The following MYO10 variants were observed in gnomAD, a reference collection of about 807,000 sequenced individuals.
MYO10 encodes the protein myosin X.
A neutral mutation model predicts 257.3 loss-of-function variants in MYO10; 133 were observed. The ratio of observed to expected loss-of-function variants is 0.52; its 90% CI spans 0.45 to 0.60. The LOEUF (loss-of-function observed/expected upper bound fraction) is 0.60. MYO10 is among the 20% of genes least tolerant of loss of function. MYO10 has a pLI of 0.00. For missense variants in MYO10, 2,399 were observed against 2,635.7 expected (o/e 0.91, Z 1.97); for synonymous variants, 1,104 against 1,028.6 (o/e 1.07, Z -1.40).
At chr5:16,880,122 C>G (rs1744715695) in intron 1 of MYO10, among the ~76,000 whole-genome samples, 1 of 152,136 alleles carries the variant, frequency 6.6e-6, no homozygotes, top group South Asian at 2.1e-4. Context: ...AGAGGTTACA[C>G]TGAATTGAGA....
intron 6 of MYO10, among the ~76,000 whole-genome samples, chr5:16,781,345 G>C (rs1349453950): frequency 6.6e-6 from 1 of 152,146 alleles, no homozygotes; most frequent in Admixed American, 6.5e-5. Context: ...CTCCCACAGT[G>C]CTGGGATTAC....
chr5:16,881,859 G>A lies in MYO10; in HGVS notation c.22-4152C>T, dbSNP rs1256775821. On this transcript the variant is annotated intron_variant, in intron 1 of 40. Coordinates refer to ENST00000513610, the MANE Select transcript of MYO10 (RefSeq NM_012334.3). ...AGTGGGAAAGAAAAATTTGCCCACC[G>A]TATGCAAACTATTACATTCAGTCAT... Among the ~76,000 whole-genome samples, 5 of 151,982 alleles carry A rather than the reference G, an allele frequency of 3.3e-5. No homozygotes were observed. In the South Asian group the frequency reaches 6.2e-4, roughly 19 times the overall value.
chr5:16,777,839 CTTTTTTTTTTTTTTTT>C (rs61326508), intron 9 of MYO10, among the ~76,000 whole-genome samples: 2 of 88,482 alleles, frequency 2.3e-5, no homozygotes, highest in African/African-American at 1.1e-4. Context: ...TTGCATCTAA[CTTTTTTTTTTTTTTTT>C]TTTTTTTTTT....
intron 2 of MYO10, among the ~76,000 whole-genome samples, chr5:16,864,637 T>C (rs1255126816): frequency 6.6e-6 from 1 of 152,152 alleles, no homozygotes; most frequent in Non-Finnish European, 1.5e-5. Context: ...CAGATTACAA[T>C]AAATGAGCTT....
chr5:16,800,991 C>G (rs923878369), intron 3 of MYO10, among the ~76,000 whole-genome samples: 8 of 151,986 alleles, frequency 5.3e-5, no homozygotes, highest in Non-Finnish European at 1.0e-4. Context: ...AACCTTTCAC[C>G]TTTTAAGGTA....
At chr5:16,855,493 CATCTT>C (rs1425134128) in intron 2 of MYO10, among the ~76,000 whole-genome samples, 4 of 152,172 alleles carry the variant, frequency 2.6e-5, no homozygotes, top group African/African-American at 9.7e-5. Flanking sequence ...ATTATAAATA[CATCTT>C]ATATCAGAAA....
chr5:16,757,917 G>A (rs550848435), intron 18 of MYO10, among the ~76,000 whole-genome samples: 4 of 152,240 alleles, frequency 2.6e-5, no homozygotes, highest in South Asian at 2.1e-4. Context: ...TGCCCACCTC[G>A]GCCTCCCAAA....
chr5:16,732,601 G>A (rs1450589660), intron 19 of MYO10, among the ~76,000 whole-genome samples: 1 of 152,112 alleles, frequency 6.6e-6, no homozygotes, highest in Non-Finnish European at 1.5e-5. Flanking sequence ...TGCCAAGGAG[G>A]CCCAAATCGG....
chr5:16,705,096 G>A (rs1738270038), intron 21 of MYO10, among the ~76,000 whole-genome samples: 1 of 152,168 alleles, frequency 6.6e-6, no homozygotes, highest in Non-Finnish European at 1.5e-5. Context: ...GAAAGCAGAG[G>A]AAGGAAAGGA....
intron 18 of MYO10, among the ~76,000 whole-genome samples, chr5:16,756,262 C>G (rs575822968): frequency 6.6e-6 from 1 of 151,996 alleles, no homozygotes; most frequent in African/African-American, 2.4e-5. Flanking sequence ...GATGAGGCCT[C>G]GCTATGTTGC....
Position 16,818,409 on chromosome 5 carries a change from T to TATATATATATATAC in MYO10, c.121-243_121-242insGTATATATATATAT, listed in dbSNP as rs1561000900. ...GTGTGTGTGTGTGTGTGTGTGTGTG[T>TATATATATATATAC]GTATATATATATATATACACATATC... On this transcript the variant is annotated intron_variant, in intron 2 of 40. Transcript: ENST00000513610. Among the ~76,000 whole-genome samples the TATATATATATATAC allele has an allele frequency of 3.9e-3, 339 of 86,182 alleles. 2 individuals carry two copies. Among genetic ancestry groups the TATATATATATATAC allele is most frequent in the African/African-American group, 0.014 (332 of 23,342 alleles). The allele number at this position is 86,182 out of a possible 152,430, so 56.5% of individuals were successfully genotyped here.
chr5:16,804,331 G>T (rs1258576581), intron 3 of MYO10, among the ~76,000 whole-genome samples: 1 of 152,178 alleles, frequency 6.6e-6, no homozygotes, highest in Admixed American at 6.5e-5. Flanking sequence ...TTCCCTCGGG[G>T]TCTTTACCCC....
chr5:16,763,487 A>C lies in MYO10; in HGVS notation c.1488T>G (p.Ile496Met), dbSNP rs1463287644. The stretch of plus-strand genomic sequence containing the variant: ...TTCTTCAAAAATACATTACCTTCTC[A>C]ATCAAGTCCAGGCATTCTCCATTGT... ...WIDNGECLDL[I>M]EKKLGLLALI... The change falls in exon 14 of 41, where the codon ATT becomes ATG. Residue 496 changes from isoleucine (I) to methionine (M), a missense_variant. Ile to Met is a conservative substitution (Grantham distance 10). Transcript: ENST00000513610. 6 of 1,610,050 alleles carry C rather than the reference A, an allele frequency of 3.7e-6. No homozygotes were observed. Among genetic ancestry groups the C allele is most frequent in the Non-Finnish European group, 5.1e-6 (6 of 1,176,472 alleles).
chr5:16,827,530 G>A (rs1020229826), intron 2 of MYO10, among the ~76,000 whole-genome samples: 4 of 152,154 alleles, frequency 2.6e-5, no homozygotes, highest in African/African-American at 7.2e-5. Flanking sequence ...CAAGTGATCC[G>A]CCCACCCTGG....
intron 9 of MYO10, among the ~76,000 whole-genome samples, 189 bp from the exon 10 acceptor site, chr5:16,769,392 T>C (rs147865523): frequency 1.3e-5 from 2 of 152,228 alleles, no homozygotes; most frequent in Non-Finnish European, 2.9e-5. Context: ...TGGAGTGCAG[T>C]GGCACGATCT....
intron 19 of MYO10, chr5:16,738,310 C>T: frequency 1.0e-6 from 1 of 985,222 alleles, no homozygotes; most frequent in African/African-American, 1.7e-5. Flanking sequence ...GGCCTGGGAG[C>T]AGGGGTGGGG....
rs776238607 is a variant in MYO10 at position 16,794,686 on chromosome 5, A to G, written c.427T>C (p.Cys143Arg). 6.2e-7 allele frequency: 1 copy of G among 1,613,356 alleles called. No homozygotes were observed. The highest frequency in any genetic ancestry group is 2.2e-5 in the East Asian group (1 of 44,826). Residue 143 changes from cysteine (C) to arginine (R), a missense_variant, in exon 4 of 41, where the codon TGC becomes CGC. Around this residue, in one of 3 missense-constraint regions of MYO10, gnomAD observed 242 missense variants for 249.5 expected, o/e 0.97. Transcript: ENST00000513610. ...TGGTTGTCGTGGCGCTTCCACAGGC[A>G]GCGGTAGCACTCGTTGGCGATGGCG... is the stretch of plus-strand genomic sequence containing the variant. ...IFAIANECYR[C>R]LWKRHDNQCI...
At chr5:16,775,828 C>G (rs571485685) in intron 9 of MYO10, among the ~76,000 whole-genome samples, 9 of 152,134 alleles carry the variant, frequency 5.9e-5, no homozygotes, top group African/African-American at 2.2e-4. Context: ...GTCTTGAACT[C>G]CAGACCTCGT....
chr5:16,700,165 G>C (rs939203350), intron 25 of MYO10, among the ~76,000 whole-genome samples: 1 of 152,150 alleles, frequency 6.6e-6, no homozygotes, highest in African/African-American at 2.4e-5. Flanking sequence ...AAGCCCTGCA[G>C]CTTCTTCCTT....
Sources: gnomAD v4.1 joint callset for allele counts (sites outside exome capture counted in the v4.1 genomes callset) on GRCh38, gnomAD v4.1.1 for gene constraint, gnomAD v4.1.1 regional missense constraint, MANE v1.5 for transcripts, NCBI Gene and HGNC (gene_info 2026-07-23, HGNC 2026-07-21) for gene names.